Variants in SNX29 observed in about 807,000 individuals in gnomAD.
The protein encoded by SNX29 is sorting nexin-29.
SNX29 carries 78 observed loss-of-function variants against 102.1 expected under a neutral mutation model. That is an observed-to-expected ratio of 0.76 (90% CI 0.64 to 0.92). The LOEUF is 0.92. SNX29 is among the 40% of genes least tolerant of loss of function. SNX29 has a pLI of 0.00. For missense variants in SNX29, 1,280 were observed against 1,061.7 expected (o/e 1.21, Z -2.86); for synonymous variants, 580 against 414.5 (o/e 1.40, Z -4.85).
At chr16:12,059,914 G>A (rs191807401) in intron 8 of SNX29, among the ~76,000 whole-genome samples, 1 of 152,278 alleles carries the variant, frequency 6.6e-6, no homozygotes, top group Admixed American at 6.5e-5. Context: ...AGTGCTGATG[G>A]CCTTGGACAA....
intron 1 of SNX29, among the ~76,000 whole-genome samples, chr16:11,993,551 G>A (rs1415981439): frequency 6.6e-6 from 1 of 152,068 alleles, no homozygotes; most frequent in African/African-American, 2.4e-5. Flanking sequence ...ACTGTTCTAG[G>A]TGCACAATAC....
At chr16:12,020,835 G>T (rs1056719967) in intron 3 of SNX29, among the ~76,000 whole-genome samples, 9 of 152,150 alleles carry the variant, frequency 5.9e-5, no homozygotes, top group Admixed American at 1.3e-4. Flanking sequence ...TGTTGGCCAG[G>T]CTGGTCTGGA....
intron 2 of SNX29, among the ~76,000 whole-genome samples, chr16:12,000,677 C>G (rs1011312425): frequency 6.6e-6 from 1 of 151,938 alleles, no homozygotes; most frequent in Non-Finnish European, 1.5e-5. Context: ...GTGCATGCCA[C>G]CACATGTGCC....
At chr16:12,416,006 G>A (rs1445696965) in intron 18 of SNX29, among the ~76,000 whole-genome samples, 1 of 152,092 alleles carries the variant, frequency 6.6e-6, no homozygotes, top group Non-Finnish European at 1.5e-5. Flanking sequence ...GGCCAGGGCC[G>A]TACTGTCAGA....
chr16:12,088,933 CA>C (rs1596836538), intron 11 of SNX29, among the ~76,000 whole-genome samples: 1 of 152,166 alleles, frequency 6.6e-6, no homozygotes, highest in East Asian at 1.9e-4. Context: ...ACTGACAGTA[CA>C]AAAATTAGCT....
intron 4 of SNX29, among the ~76,000 whole-genome samples, chr16:12,028,227 A>G (rs766834651): frequency 1.1e-4 from 17 of 152,216 alleles, no homozygotes; most frequent in Non-Finnish European, 2.4e-4. Context: ...TTTCACAGCC[A>G]AAAGTTGGAC....
At chr16:12,194,461 G>T (rs2076720460) in intron 13 of SNX29, among the ~76,000 whole-genome samples, 2 of 152,012 alleles carry the variant, frequency 1.3e-5, no homozygotes, top group Non-Finnish European at 2.9e-5. Context: ...TAACCTGTAT[G>T]TTTTTTTGGG....
At chr16:12,545,870 C>G (rs897484173) in intron 20 of SNX29, among the ~76,000 whole-genome samples, 1 of 152,056 alleles carries the variant, frequency 6.6e-6, no homozygotes, top group African/African-American at 2.4e-5. Context: ...GAGGGTGAGC[C>G]TAAGCCGTGG....
chr16:12,338,559 T>C (rs1359534399), intron 15 of SNX29, among the ~76,000 whole-genome samples: 3 of 152,216 alleles, frequency 2.0e-5, no homozygotes, highest in Admixed American at 6.5e-5. Context: ...TTTCCACTTG[T>C]AGATGAGAAA....
At chr16:11,982,474 G>T (rs1050008332) in intron 1 of SNX29, among the ~76,000 whole-genome samples, 1 of 147,228 alleles carries the variant, frequency 6.8e-6, no homozygotes, top group African/African-American at 2.5e-5. Context: ...CTGTCACCCA[G>T]GCTGGAGTGC....
intron 11 of SNX29, among the ~76,000 whole-genome samples, chr16:12,116,352 A>G (rs1361256259): frequency 1.3e-5 from 2 of 152,260 alleles, no homozygotes; most frequent in South Asian, 2.1e-4. Context: ...TGGCATATCC[A>G]TACAGTGGAA....
chr16:12,438,822 C>G (rs1414278968), intron 18 of SNX29, among the ~76,000 whole-genome samples: 1 of 152,168 alleles, frequency 6.6e-6, no homozygotes, highest in Admixed American at 6.5e-5. Context: ...AAGGAACGTT[C>G]TAGACTCAGG....
intron 14 of SNX29, among the ~76,000 whole-genome samples, chr16:12,224,164 G>T (rs977553091): frequency 6.6e-6 from 1 of 152,142 alleles, no homozygotes; most frequent in Non-Finnish European, 1.5e-5. Flanking sequence ...TACTTGAGTA[G>T]TAGGTTATTG....
intron 3 of SNX29, among the ~76,000 whole-genome samples, chr16:12,014,761 A>T (rs1048712509): frequency 1.3e-5 from 2 of 151,742 alleles, no homozygotes; most frequent in East Asian, 3.8e-4. Flanking sequence ...GAAAAGAAAA[A>T]GAAAATCATC....
chr16:12,192,393 G>A (rs536918757), intron 13 of SNX29, among the ~76,000 whole-genome samples: 8 of 152,304 alleles, frequency 5.3e-5, no homozygotes, highest in South Asian at 2.1e-4. Flanking sequence ...GGCCACCATC[G>A]TTTCTTGCCT....
At chr16:12,421,112 A>T (rs1228884614) in intron 18 of SNX29, among the ~76,000 whole-genome samples, 2 of 152,350 alleles carry the variant, frequency 1.3e-5, no homozygotes, top group African/African-American at 2.4e-5. Flanking sequence ...GCCTTGCCTA[A>T]GGTCATAGCT....
At chr16:12,239,639 C>CAAAAAAAAAAAAAAAAAAAAAA (rs61024203) in intron 14 of SNX29, among the ~76,000 whole-genome samples, 11 of 62,566 alleles carry the variant, frequency 1.8e-4, no homozygotes, top group African/African-American at 6.9e-4. Context: ...CCTGTTTCTA[C>CAAAAAAAAAAAAAAAAAAAAAA]AAAAAAAAAA....
intron 20 of SNX29, among the ~76,000 whole-genome samples, chr16:12,561,545 T>G (rs13338085): frequency 6.6e-6 from 1 of 152,026 alleles, no homozygotes; most frequent in African/African-American, 2.4e-5. Flanking sequence ...TCGCAGCCAT[T>G]TTCACTGATG....
chr16:12,216,461 C>G (rs551372332), intron 14 of SNX29, among the ~76,000 whole-genome samples: 2 of 152,296 alleles, frequency 1.3e-5, no homozygotes, highest in East Asian at 3.9e-4. Flanking sequence ...ACATCAAGCA[C>G]CTGCCAGCAG....
Sources: allele counts gnomAD v4.1 joint callset (sites outside exome capture counted in the v4.1 genomes callset), GRCh38; gene constraint gnomAD v4.1.1; transcripts MANE v1.5; gene names NCBI Gene and HGNC (gene_info 2026-07-23, HGNC 2026-07-21).